ERBB4: variants seen among roughly 807,000 people sequenced by gnomAD.
ERBB4 encodes the protein receptor tyrosine-protein kinase erbB-4.
A neutral mutation model predicts 158.0 loss-of-function variants in ERBB4; 42 were observed. That is an observed-to-expected ratio of 0.27 (90% CI 0.21 to 0.34). The LOEUF (loss-of-function observed/expected upper bound fraction) is 0.34. Ranked by LOEUF, ERBB4 falls within the 10% of genes least tolerant of loss-of-function variation. The pLI is 1.00. For missense variants in ERBB4, 1,333 were observed against 1,624.1 expected (o/e 0.82, Z 3.08); for synonymous variants, 583 against 558.7 (o/e 1.04, Z -0.61).
At chr2:211,455,967 T>C (rs1261471286) in intron 20 of ERBB4, among the ~76,000 whole-genome samples, 1 of 152,222 alleles carries the variant, frequency 6.6e-6, no homozygotes, top group Non-Finnish European at 1.5e-5. Context: ...TTCTTGAAGA[T>C]TCAGGCATTA....
intron 3 of ERBB4, among the ~76,000 whole-genome samples, chr2:211,862,802 A>G (rs1438750039): frequency 6.6e-6 from 1 of 152,236 alleles, no homozygotes; most frequent in East Asian, 1.9e-4. Flanking sequence ...AATTGTGCTG[A>G]AGAAAAATAG....
At chr2:211,807,665 G>T (rs1445756570) in intron 3 of ERBB4, among the ~76,000 whole-genome samples, 1 of 152,134 alleles carries the variant, frequency 6.6e-6, no homozygotes, top group African/African-American at 2.4e-5. Flanking sequence ...ATCTAATAAT[G>T]GGATTGTTGG....
intron 12 of ERBB4, among the ~76,000 whole-genome samples, chr2:211,692,571 C>T (rs2072861846): frequency 6.6e-6 from 1 of 152,078 alleles, no homozygotes; most frequent in Non-Finnish European, 1.5e-5. Context: ...TTGTTCCTTG[C>T]CTCTTTCAGC....
At chr2:211,630,930 T>C (rs2070098439) in intron 16 of ERBB4, among the ~76,000 whole-genome samples, 2 of 152,192 alleles carry the variant, frequency 1.3e-5, no homozygotes, top group South Asian at 4.1e-4. Flanking sequence ...GCGCATTTAA[T>C]ATTTTTCTAT....
At chr2:211,930,542 C>A (rs2080145641) in intron 3 of ERBB4, among the ~76,000 whole-genome samples, 1 of 152,122 alleles carries the variant, frequency 6.6e-6, no homozygotes, top group South Asian at 2.1e-4. Context: ...GCAGGTGTCT[C>A]ACATCTCCAC....
chr2:212,306,716 A>T (rs1164017756), intron 1 of ERBB4, among the ~76,000 whole-genome samples: 1 of 149,846 alleles, frequency 6.7e-6, no homozygotes, highest in African/African-American at 2.4e-5. Context: ...GCTGCCACTT[A>T]TTTTTTTTTA....
At chr2:211,601,683 C>T (rs1434815162) in intron 19 of ERBB4, among the ~76,000 whole-genome samples, 1 of 151,956 alleles carries the variant, frequency 6.6e-6, no homozygotes, top group Non-Finnish European at 1.5e-5. Flanking sequence ...AAAGTACTAT[C>T]AACTGAATTT....
rs1394408857 is a variant in ERBB4, at chr2:211,376,477, C to T, written c.*7138G>A. 8.6e-6 allele frequency: 2 copies of T among 232,578 alleles called. No homozygotes were observed. Among genetic ancestry groups the T allele is most frequent in the Non-Finnish European group, 1.7e-5 (2 of 117,458 alleles). The allele number at this position is 232,578 out of a possible 1,614,324, so 14.4% of individuals were successfully genotyped here. A position where few individuals can be genotyped will look rare whatever the true frequency, so the allele number is the denominator to read the frequency against. On this transcript the variant is annotated 3_prime_UTR_variant, in exon 28 of 28. Transcript: ENST00000342788. ...TCAAAAAGGCAGCTAACTTTGAATG[C>T]AGGGATTTAAATAAAACATTGATGG... is the stretch of plus-strand genomic sequence containing the variant.
In ERBB4 at chr2:211,378,916, ATGT is replaced by A. The variant is rs2062527453; in HGVS notation, c.*4696_*4698del. 3 of 230,902 alleles carry A rather than the reference ATGT, an allele frequency of 1.3e-5. No individual in the cohort carries two copies. The highest frequency in any genetic ancestry group is 2.6e-5 in the Non-Finnish European group (3 of 116,906). 14.3% of individuals were successfully genotyped at this position (230,902 alleles called of 1,614,324 possible). Reference sequence around the variant, plus strand: ...TTTTTTTTTTAACAACTAGAAGCTGATGTTGTAGGATCAGCTCTAGGATCCTCT... The same window carrying A: ...TTTTTTTTTTAACAACTAGAAGCTGATGTAGGATCAGCTCTAGGATCCTCT... On this transcript the variant is annotated 3_prime_UTR_variant, in exon 28 of 28. Transcript: ENST00000342788.
intron 2 of ERBB4, among the ~76,000 whole-genome samples, chr2:212,000,170 T>C (rs1388323284): frequency 1.3e-5 from 2 of 151,834 alleles, no homozygotes; most frequent in Non-Finnish European, 3.0e-5. Flanking sequence ...ATGTATCAAA[T>C]ATATATTATT....
intron 12 of ERBB4, among the ~76,000 whole-genome samples, chr2:211,697,099 CTTAATGTATGTATACTCATCTGCA>C (rs755510999): frequency 0.014 from 2,135 of 152,296 alleles, 24 homozygotes; most frequent in African/African-American, 0.031. Flanking sequence ...ATTTAACTTT[CTTAATGTATGTATACTCATCTGCA>C]AATGCAGATG....
intron 19 of ERBB4, among the ~76,000 whole-genome samples, chr2:211,570,142 GTTT>G (rs1386193505): frequency 1.3e-5 from 2 of 151,738 alleles, no homozygotes; most frequent in African/African-American, 2.4e-5. Context: ...TTATTTTTGT[GTTT>G]TTTATGTTTT....
intron 1 of ERBB4, among the ~76,000 whole-genome samples, chr2:212,349,321 A>ACACC (rs985054412): frequency 2.1e-5 from 3 of 144,980 alleles, no homozygotes; most frequent in African/African-American, 7.5e-5. Context: ...ACACACACAC[A>ACACC]CCCTTCAAGT....
chr2:211,469,372 TC>T (rs1363800703), intron 20 of ERBB4, among the ~76,000 whole-genome samples: 1 of 152,146 alleles, frequency 6.6e-6, no homozygotes, highest in Non-Finnish European at 1.5e-5. Context: ...AGACACACTT[TC>T]CAGCAGGAAA....
chr2:212,533,651 G>T (rs1172575368), intron 1 of ERBB4, among the ~76,000 whole-genome samples: 1 of 152,106 alleles, frequency 6.6e-6, no homozygotes, highest in Non-Finnish European at 1.5e-5. Context: ...AGCTGTATTA[G>T]AAATCATAAA....
chr2:211,514,455 AG>A (rs2065971613), intron 20 of ERBB4, among the ~76,000 whole-genome samples: 2 of 152,140 alleles, frequency 1.3e-5, no homozygotes, highest in Non-Finnish European at 2.9e-5. Flanking sequence ...GCACATAACA[AG>A]AAAAATGTTT....
At chr2:211,814,103 T>C (rs1308437802) in intron 3 of ERBB4, among the ~76,000 whole-genome samples, 1 of 152,096 alleles carries the variant, frequency 6.6e-6, no homozygotes, top group Non-Finnish European at 1.5e-5. Flanking sequence ...GAGTAAAAAA[T>C]TGAGACTACA....
intron 3 of ERBB4, among the ~76,000 whole-genome samples, chr2:211,883,218 G>A (rs1048917034): frequency 2.6e-5 from 4 of 152,070 alleles, no homozygotes; most frequent in Non-Finnish European, 4.4e-5. Flanking sequence ...AACACCGCGT[G>A]TTCTCACTCC....
chr2:211,448,845 T>C (rs761998931), intron 20 of ERBB4, among the ~76,000 whole-genome samples: 3 of 152,158 alleles, frequency 2.0e-5, no homozygotes, highest in Non-Finnish European at 4.4e-5. Flanking sequence ...CTAAAAGATA[T>C]GCAGTATTGT....
Sources: allele counts gnomAD v4.1 joint callset (sites outside exome capture counted in the v4.1 genomes callset), GRCh38; gene constraint gnomAD v4.1.1; transcripts MANE v1.5; gene names NCBI Gene and HGNC (gene_info 2026-07-23, HGNC 2026-07-21).